Variants in ASPH observed in about 807,000 individuals in gnomAD.
The protein encoded by ASPH is aspartate beta-hydroxylase.
ASPH carries 100 observed loss-of-function variants against 118.4 expected under a neutral mutation model. The ratio of observed to expected loss-of-function variants is 0.84; its 90% CI spans 0.72 to 1.00. ASPH has a LOEUF of 1.00. Among genes scored for constraint, ASPH ranks in the 50% least tolerant of loss-of-function variants. ASPH has a pLI of 0.00. For missense variants in ASPH, 920 were observed against 919.5 expected (o/e 1.00, Z -0.01); for synonymous variants, 315 against 325.6 (o/e 0.97, Z 0.35).
At chr8:61,709,136 A>T (rs1179285163) in intron 1 of ASPH, among the ~76,000 whole-genome samples, 1 of 152,198 alleles carries the variant, frequency 6.6e-6, no homozygotes, top group South Asian at 2.1e-4. Flanking sequence ...ATAGGAACTG[A>T]ATTACATTCA....
At chr8:61,635,779 C>T (rs187201313) in intron 12 of ASPH, among the ~76,000 whole-genome samples, 47 of 152,258 alleles carry the variant, frequency 3.1e-4, no homozygotes, top group African/African-American at 1.1e-3. Context: ...ACTTTCCCCT[C>T]CATTCCCACT....
chr8:61,705,372 C>G (rs1199714633), intron 1 of ASPH, among the ~76,000 whole-genome samples: 1 of 152,102 alleles, frequency 6.6e-6, no homozygotes, highest in East Asian at 1.9e-4. Context: ...TATAACAAAC[C>G]TGTATATGTA....
chr8:61,709,642 A>G (rs991731199), intron 1 of ASPH, among the ~76,000 whole-genome samples: 3 of 152,230 alleles, frequency 2.0e-5, no homozygotes, highest in African/African-American at 7.2e-5. Context: ...GTTCATTTGA[A>G]AAACATTTTT....
intron 3 of ASPH, 56 bp downstream of exon 3, chr8:61,680,912 A>G: frequency 2.1e-6 from 3 of 1,451,222 alleles, no homozygotes; most frequent in South Asian, 1.3e-5. Context: ...TAAAGCAAAA[A>G]TAATTGTTTC....
At chr8:61,578,684 C>T in intron 15 of ASPH, 19 of 1,605,034 alleles carry the variant, frequency 1.2e-5, no homozygotes, top group Non-Finnish European at 1.6e-5. Flanking sequence ...AGACTCTGGG[C>T]CAGGAGAAGC....
At chr8:61,511,727 C>T (rs1022963237) in intron 24 of ASPH, among the ~76,000 whole-genome samples, 3 of 152,200 alleles carry the variant, frequency 2.0e-5, no homozygotes, top group Non-Finnish European at 4.4e-5. Context: ...CTTCAGCCTC[C>T]CAAGTAGCTG....
At chr8:61,573,062 C>T (rs1432023367) in intron 16 of ASPH, among the ~76,000 whole-genome samples, 5 of 152,062 alleles carry the variant, frequency 3.3e-5, no homozygotes, top group African/African-American at 1.2e-4. Context: ...TTCCTATATA[C>T]CAATAATAGA....
At chr8:61,665,291 G>A (rs750106197) in intron 3 of ASPH, 3 of 1,612,336 alleles carry the variant, frequency 1.9e-6, no homozygotes, top group Non-Finnish European at 2.5e-6. Context: ...TGTTAAGTGT[G>A]CATATCTGGT....
At chr8:61,667,708 T>A (rs527621432) in intron 3 of ASPH, among the ~76,000 whole-genome samples, 2 of 152,344 alleles carry the variant, frequency 1.3e-5, no homozygotes, top group Admixed American at 6.5e-5. Flanking sequence ...GTAAATTCTA[T>A]GTCAATGTAA....
intron 21 of ASPH, among the ~76,000 whole-genome samples, chr8:61,539,699 G>GGGGTGTGTGTGTGTGTGTGTGTGTGTGT (rs1554618405): frequency 1.4e-4 from 17 of 124,306 alleles, no homozygotes; most frequent in East Asian, 1.2e-3. Context: ...ACACTTCTGG[G>GGGGTGTGTGTGTGTGTGTGTGTGTGTGT]GTGTGTGTGT....
At chr8:61,689,640 A>G in intron 1 of ASPH, 1 of 1,565,584 alleles carries the variant, frequency 6.4e-7, no homozygotes, top group Non-Finnish European at 8.7e-7. Flanking sequence ...GCTAGATCTA[A>G]AGCCACTTTT....
At chr8:61,564,183 G>C (rs1225370586) in intron 17 of ASPH, among the ~76,000 whole-genome samples, 1 of 151,904 alleles carries the variant, frequency 6.6e-6, no homozygotes, top group Non-Finnish European at 1.5e-5. Context: ...CAATATTAAT[G>C]TAAAACATTC....
chr8:61,712,022 G>A (rs1424662288), intron 1 of ASPH, among the ~76,000 whole-genome samples: 3 of 152,110 alleles, frequency 2.0e-5, no homozygotes, highest in African/African-American at 4.8e-5. Flanking sequence ...TTCAAGCATG[G>A]CAAAATGAAT....
In ASPH at chr8:61,624,147, A is replaced by G. The variant is rs907467646; in HGVS notation, c.935-5128T>C. On this transcript the variant is annotated intron_variant, in intron 13 of 24. Transcript: ENST00000379454. ...GAGTTACTATAGCCAACAATAATTT[A>G]TTGTACATTTTCTATATCTGTATCG... 3 of 812,142 alleles carry G rather than the reference A, an allele frequency of 3.7e-6. No individual in the cohort carries two copies. The African/African-American group carries it at 5.6e-5, about 15-fold the overall frequency. 50.3% of individuals were successfully genotyped at this position (812,142 alleles called of 1,614,324 possible).
intron 14 of ASPH, among the ~76,000 whole-genome samples, chr8:61,604,965 T>C (rs933911814): frequency 6.6e-6 from 1 of 152,236 alleles, no homozygotes; most frequent in African/African-American, 2.4e-5. Flanking sequence ...TAGCTTTTTT[T>C]GTTAGCTGTT....
chr8:61,700,278 C>G (rs948441224), intron 1 of ASPH, among the ~76,000 whole-genome samples: 1 of 152,198 alleles, frequency 6.6e-6, no homozygotes, highest in Non-Finnish European at 1.5e-5. Flanking sequence ...GGCCTCACCC[C>G]CTTTTCCTCC....
chr8:61,668,182 T>C lies in ASPH; in HGVS notation c.322+12786A>G. ...ACATTCCCAGAAAATGTCATGCATT[T>C]TCAAACATTAAACTTGATTCACTCA... On this transcript the variant is annotated intron_variant, in intron 3 of 24. Transcript: ENST00000379454. 3 of 1,514,190 alleles carry C rather than the reference T, an allele frequency of 2.0e-6. No homozygotes were observed. In the South Asian group the frequency reaches 3.5e-5, roughly 18 times the overall value. 93.8% of individuals were successfully genotyped at this position (1,514,190 alleles called of 1,614,324 possible). A position where few individuals can be genotyped will look rare whatever the true frequency, so the allele number is the denominator to read the frequency against.
At chr8:61,659,074 C>A (rs1036790568) in intron 3 of ASPH, 2 of 152,334 alleles carry the variant, frequency 1.3e-5, no homozygotes, top group Non-Finnish European at 2.9e-5. Flanking sequence ...GTGGGAGAGA[C>A]AAAGGCAGCC....
intron 16 of ASPH, among the ~76,000 whole-genome samples, chr8:61,573,246 A>C (rs936579359): frequency 6.6e-6 from 1 of 152,244 alleles, no homozygotes; most frequent in Non-Finnish European, 1.5e-5. Context: ...TTCCATGCTC[A>C]TGGATAGGAA....
Sources: gnomAD v4.1 joint callset for allele counts (sites outside exome capture counted in the v4.1 genomes callset) on GRCh38, gnomAD v4.1.1 for gene constraint, MANE v1.5 for transcripts, NCBI Gene and HGNC (gene_info 2026-07-23, HGNC 2026-07-21) for gene names.